Variants in TGM2 observed in about 807,000 individuals in gnomAD.
TGM2 encodes transglutaminase 2.
Under a neutral mutation model 75.6 loss-of-function variants are expected in TGM2, and 53 were observed. The observed-to-expected ratio is 0.70, with a 90% CI of 0.56 to 0.88. TGM2 has a LOEUF of 0.88. Ranked by LOEUF, TGM2 falls within the 40% of genes least tolerant of loss-of-function variation. The pLI is 0.00. For missense variants in TGM2, 842 were observed against 928.5 expected (o/e 0.91, Z 1.21); for synonymous variants, 374 against 381.1 (o/e 0.98, Z 0.22).
At chr20:38,139,309 G>A in intron 9 of TGM2, 103 bp downstream of exon 9, 1 of 1,560,708 alleles carries the variant, frequency 6.4e-7, no homozygotes, top group Non-Finnish European at 8.8e-7. Context: ...GCTGTACGTA[G>A]GCTACCAATT....
chr20:38,127,411 TA>T lies in TGM2; in HGVS notation c.*2807del, dbSNP rs2074777924. On this transcript the variant is annotated 3_prime_UTR_variant, in exon 13 of 13. Transcript: ENST00000361475. ...GTGATGTCATGTTTTTATTTTGATT[TA>T]TTTTTTATGTGCATGTCATGTCTTT... 1 of 980,444 alleles carries T rather than the reference TA, an allele frequency of 1.0e-6. No homozygotes were observed. The highest frequency in any genetic ancestry group is 1.2e-6 in the Non-Finnish European group (1 of 825,344). 60.7% of individuals were successfully genotyped at this position (980,444 alleles called of 1,614,324 possible). A position where few individuals can be genotyped will look rare whatever the true frequency, so the allele number is the denominator to read the frequency against.
In TGM2 at chr20:38,138,035, C is replaced by T. The variant is rs370662155; in HGVS notation, c.1615+78G>A. On this transcript the variant is annotated intron_variant, in intron 10 of 12. Coordinates refer to ENST00000361475, the MANE Select transcript of TGM2 (RefSeq NM_004613.4). ...TAAGTGTCTGTGGGGTGAAATCACA[C>T]ATGCTAAGTGGTTAGGTCACTACCT... is the stretch of plus-strand genomic sequence containing the variant. 1.5e-5 allele frequency: 22 copies of T among 1,503,774 alleles called. No individual in the cohort carries two copies. In the African/African-American group the frequency reaches 2.9e-4, roughly 20 times the overall value. The allele number at this position is 1,503,774 out of a possible 1,614,324, so 93.2% of individuals were successfully genotyped here.
chr20:38,131,299 A>G, intron 11 of TGM2, 70 bp from the exon 12 acceptor site: 1 of 1,604,996 alleles, frequency 6.2e-7, no homozygotes, highest in Non-Finnish European at 8.5e-7. Flanking sequence ...ATTCACTGCA[A>G]TTTGGCCCAA....
intron 10 of TGM2, among the ~76,000 whole-genome samples, chr20:38,135,402 T>TACAC (rs1323023847): frequency 8.4e-5 from 7 of 83,826 alleles, no homozygotes; most frequent in Non-Finnish European, 1.8e-4. Context: ...CTCCTAAATG[T>TACAC]ATACACACAC....
chr20:38,152,738 C>A (rs955168431), intron 3 of TGM2, among the ~76,000 whole-genome samples: 4 of 152,248 alleles, frequency 2.6e-5, no homozygotes, highest in Non-Finnish European at 5.9e-5. Context: ...AGCGCCCCTG[C>A]GCTCACCCCA....
At chr20:38,147,850 C>T in intron 5 of TGM2, 111 bp downstream of exon 5, 1 of 1,473,368 alleles carries the variant, frequency 6.8e-7, no homozygotes, top group Non-Finnish European at 9.2e-7. Flanking sequence ...CCAAGACTTA[C>T]CCATCTCCCG....
Position 38,142,439 on chromosome 20 carries a change from G to A in TGM2, c.860-240C>T, listed in dbSNP as rs879779778. Among the ~76,000 whole-genome samples the A allele has an allele frequency of 3.9e-5, 6 of 152,162 alleles. No homozygotes were observed. In the South Asian group the frequency reaches 6.2e-4, roughly 16 times the overall value. On this transcript the variant is annotated intron_variant, in intron 6 of 12. Transcript: ENST00000361475. ...TCTAAAATACAAACCCCGGCCAGGC[G>A]TGGTGGCTCACGCCTATAATCCCAG... is the stretch of plus-strand genomic sequence containing the variant.
intron 2 of TGM2, among the ~76,000 whole-genome samples, chr20:38,158,854 G>A (rs1244863745): frequency 4.6e-5 from 7 of 152,274 alleles, no homozygotes; most frequent in Middle Eastern, 3.4e-3. Flanking sequence ...TGAGCCGGGC[G>A]CTGACCCAGG....
chr20:38,132,440 T>C lies in TGM2; in HGVS notation c.1676A>G (p.Asn559Ser), dbSNP rs749558386. ...GAGGAGGGCCCGCACCTTGATGAGG[T>C]TGGACTCCGTAAGGCAGTCACGGTA... The part of the protein sequence containing the change: ...EKYRDCLTES[N>S]LIKVRALLVE... Residue 559 changes from asparagine to serine, a missense_variant, in exon 11 of 13, where the codon AAC becomes AGC. Asn to Ser is a conservative substitution (Grantham distance 46). Coordinates refer to ENST00000361475, the MANE Select transcript of TGM2 (RefSeq NM_004613.4). The C allele has an allele frequency of 5.0e-6, 8 of 1,614,106 alleles. No individual in the cohort carries two copies. The highest frequency in any genetic ancestry group is 3.3e-5 in the South Asian group (3 of 91,082).
chr20:38,154,736 C>T (rs977534568), intron 3 of TGM2, among the ~76,000 whole-genome samples: 2 of 151,950 alleles, frequency 1.3e-5, no homozygotes, highest in Admixed American at 1.3e-4. Flanking sequence ...TACTCACCCC[C>T]CTCCCCCAGC....
chr20:38,127,392 T>A lies in TGM2; in HGVS notation c.*2827A>T. On this transcript the variant is annotated 3_prime_UTR_variant, in exon 13 of 13. Coordinates refer to ENST00000361475, the MANE Select transcript of TGM2 (RefSeq NM_004613.4). ...GATTCGGCACCCAGAACACGTGATG[T>A]CATGTTTTTATTTTGATTTATTTTT... The A allele has an allele frequency of 1.0e-6, 1 of 984,856 alleles. No individual in the cohort carries two copies. Among genetic ancestry groups the A allele is most frequent in the Non-Finnish European group, 1.2e-6 (1 of 829,416 alleles). The allele number at this position is 984,856 out of a possible 1,614,324, so 61.0% of individuals were successfully genotyped here. A position where few individuals can be genotyped will look rare whatever the true frequency, so the allele number is the denominator to read the frequency against.
intron 12 of TGM2, 47 bp from the exon 13 acceptor site, chr20:38,130,416 T>A: frequency 1.3e-6 from 2 of 1,549,294 alleles, no homozygotes; most frequent in Non-Finnish European, 1.7e-6. Flanking sequence ...AAGGCCTGGC[T>A]CCCGCATGCT....
intron 8 of TGM2, among the ~76,000 whole-genome samples, chr20:38,141,006 A>C (rs567235134): frequency 1.1e-4 from 17 of 152,318 alleles, no homozygotes; most frequent in African/African-American, 4.1e-4. Context: ...TGTGAATGTT[A>C]ATGCTGCTTA....
chr20:38,141,196 G>A (rs956851710), intron 8 of TGM2, 86 bp downstream of exon 8: 40 of 1,157,580 alleles, frequency 3.5e-5, no homozygotes, highest in Admixed American at 3.4e-4. Context: ...TGAGCTCCTA[G>A]TTCTGCCGCC....
Position 38,136,221 on chromosome 20 carries a change from G to T in TGM2, c.1615+1892C>A, listed in dbSNP as rs45617733. Among the ~76,000 whole-genome samples, 1,117 of 152,286 alleles carry T rather than the reference G, an allele frequency of 7.3e-3. 15 individuals are homozygous for T. Among genetic ancestry groups the T allele is most frequent in the African/African-American group, 0.026 (1,074 of 41,542 alleles). Reference sequence around the variant, plus strand: ...CCCAAGATAGAAAAACCAGGAGGCAGCAACTGTCAACACTGCAGACGCCCC... The same window carrying T: ...CCCAAGATAGAAAAACCAGGAGGCATCAACTGTCAACACTGCAGACGCCCC... On this transcript the variant is annotated intron_variant, in intron 10 of 12. Coordinates refer to ENST00000361475, the MANE Select transcript of TGM2 (RefSeq NM_004613.4).
At position 38,129,153 on chromosome 20, in the gene TGM2, T is replaced by C. The variant is rs1245803154; in HGVS notation, c.*1066A>G. The C allele has an allele frequency of 6.6e-6, 1 of 152,406 alleles. No homozygotes were observed. The highest frequency in any genetic ancestry group is 1.9e-4 in the East Asian group (1 of 5,196). 9.4% of individuals were successfully genotyped at this position (152,406 alleles called of 1,614,324 possible). On this transcript the variant is annotated 3_prime_UTR_variant, in exon 13 of 13. Transcript: ENST00000361475. Reference sequence around the variant, plus strand: ...TGGACCTTGTGGTTATTTACAAGGCTGGGCCATATAAAAGCATTGCAAACA... The same window carrying C: ...TGGACCTTGTGGTTATTTACAAGGCCGGGCCATATAAAAGCATTGCAAACA...
At position 38,157,983 on chromosome 20, in the gene TGM2, G is replaced by C. The variant is rs536018917; in HGVS notation, c.191-1894C>G. Among the ~76,000 whole-genome samples the C allele has an allele frequency of 1.0e-3, 155 of 152,356 alleles. 2 individuals are homozygous for C. The South Asian group carries it at 0.02, about 20-fold the overall frequency. On this transcript the variant is annotated intron_variant, in intron 2 of 12. Coordinates refer to ENST00000361475, the MANE Select transcript of TGM2 (RefSeq NM_004613.4). ...CTTCACAGATTTGGAAACTGAGGTT[G>C]AGAGGGGTGGTGCTGGGGTGACCAA...
intron 2 of TGM2, among the ~76,000 whole-genome samples, chr20:38,158,353 G>A (rs551862964): frequency 5.3e-5 from 8 of 152,058 alleles, no homozygotes; most frequent in South Asian, 2.1e-4. Context: ...CCTTGGCTGC[G>A]GTTCTACACC....
At chr20:38,150,612 T>A (rs1268799102) in intron 4 of TGM2, among the ~76,000 whole-genome samples, 1 of 152,178 alleles carries the variant, frequency 6.6e-6, no homozygotes, top group Non-Finnish European at 1.5e-5. Flanking sequence ...CCAGCACAAC[T>A]CCAAGTACTG....
Sources: allele counts gnomAD v4.1 joint callset (sites outside exome capture counted in the v4.1 genomes callset), GRCh38; gene constraint gnomAD v4.1.1; transcripts MANE v1.5; gene names NCBI Gene and HGNC (gene_info 2026-07-23, HGNC 2026-07-21).